Variants in MTOR observed in about 807,000 individuals in gnomAD.
The protein encoded by MTOR is mechanistic target of rapamycin kinase, also known as serine/threonine-protein kinase mTOR.
A neutral mutation model predicts 319.8 loss-of-function variants in MTOR; 70 were observed. The ratio of observed to expected loss-of-function variants is 0.22; its 90% CI spans 0.18 to 0.27. MTOR has a LOEUF of 0.27. MTOR is among the 10% of genes least tolerant of loss of function. The pLI is 1.00. For missense variants in MTOR, 1,890 were observed against 3,274.4 expected (o/e 0.58, Z 10.32); for synonymous variants, 1,183 against 1,211.4 (o/e 0.98, Z 0.49).
At chr1:11,124,365 G>C (rs1476774207) in intron 47 of MTOR, 133 bp downstream of exon 47, 3 of 1,196,556 alleles carry the variant, frequency 2.5e-6, no homozygotes, top group African/African-American at 3.1e-5. Context: ...TGGGACTACA[G>C]GCATGAGTTA....
Position 11,213,424 on chromosome 1 carries a change from C to T in MTOR, c.3260G>A (p.Ser1087Asn), listed in dbSNP as rs1646372009. Residue 1087 changes from serine to asparagine, a missense_variant, in exon 21 of 58, where the codon AGC becomes AAC. This residue lies in a region of MTOR where 377 missense variants were observed against 653.9 expected (regional missense o/e 0.58). Coordinates refer to ENST00000361445, the MANE Select transcript of MTOR (RefSeq NM_004958.4). ...HMLRVFMHDNSPGRIVSIKLL... is the reference protein window; with the variant it reads ...HMLRVFMHDNNPGRIVSIKLL... Reference sequence around the variant, plus strand: ...CTTGATAGAGACAATGCGGCCTGGGCTGTTGTCATGCATGAAGACACGCAG... The same window carrying T: ...CTTGATAGAGACAATGCGGCCTGGGTTGTTGTCATGCATGAAGACACGCAG... 3.1e-6 allele frequency: 5 copies of T among 1,612,804 alleles called. No individual in the cohort carries two copies. The highest frequency in any genetic ancestry group is 4.2e-6 in the Non-Finnish European group (5 of 1,179,946).
chr1:11,247,877 T>C lies in MTOR; in HGVS notation c.1058A>G (p.Lys353Arg), dbSNP rs1219198356. 5 of 1,614,154 alleles carry C rather than the reference T, an allele frequency of 3.1e-6. No individual in the cohort carries two copies. The South Asian group carries it at 5.5e-5, about 18-fold the overall frequency. ...MGFGTSPSPA[K>R]STLVESRCCR... ...ACACCGGCTCTCCACCAGGGTGGAC[T>C]TAGCTGGACTGGGGGAGGTCCCAAA... Residue 353 changes from lysine (K) to arginine (R), a missense_variant, in exon 7 of 58, where the codon AAG becomes AGG. By Grantham distance (26) the Lys-to-Arg change is conservative. This residue lies in a region of MTOR where 418 missense variants were observed against 543.1 expected (regional missense o/e 0.77). Coordinates refer to ENST00000361445, the MANE Select transcript of MTOR (RefSeq NM_004958.4).
intron 19 of MTOR, among the ~76,000 whole-genome samples, chr1:11,222,567 G>A (rs1210314711): frequency 6.6e-6 from 1 of 151,846 alleles, no homozygotes; most frequent in East Asian, 1.9e-4. Context: ...CACTCCTCCT[G>A]GGCTCAAGCA....
chr1:11,238,374 T>C lies in MTOR; in HGVS notation c.2002+28A>G, dbSNP rs746695770. On this transcript the variant is annotated intron_variant, in intron 12 of 57. Coordinates refer to ENST00000361445, the MANE Select transcript of MTOR (RefSeq NM_004958.4). ...ATTGTCCTAAGCTCCTTAACTCCCC[T>C]AGATTCCTTCTGTCTGGCAAGCCTT... The C allele has an allele frequency of 2.5e-6, 4 of 1,611,060 alleles. No individual in the cohort carries two copies. In the South Asian group the frequency reaches 4.4e-5, roughly 18 times the overall value.
chr1:11,157,321 A>T (rs1383639780), intron 29 of MTOR, 30 bp from the exon 30 acceptor site: 2 of 1,606,384 alleles, frequency 1.2e-6, no homozygotes, highest in Non-Finnish European at 1.7e-6. Context: ...GACTGCTGTG[A>T]GGTACACAGA....
chr1:11,184,383 G>T (rs1645248397), intron 28 of MTOR, among the ~76,000 whole-genome samples: 2 of 152,098 alleles, frequency 1.3e-5, no homozygotes, highest in Admixed American at 1.3e-4. Flanking sequence ...TATTTAATAT[G>T]AATGCATTAC....
At chr1:11,192,257 T>G (rs768094587) in intron 28 of MTOR, 1 of 1,597,996 alleles carries the variant, frequency 6.3e-7, no homozygotes, top group Non-Finnish European at 8.6e-7. Flanking sequence ...CCCTGTGGTT[T>G]GTTCTCTTGT....
At position 11,129,740 on chromosome 1, in the gene MTOR, G is replaced by C. The variant is rs1643022569; in HGVS notation, c.5712C>G (p.Leu1904=). 6.2e-7 allele frequency: 1 copy of C among 1,613,432 alleles called. No homozygotes were observed. The highest frequency in any genetic ancestry group is 1.3e-5 in the African/African-American group (1 of 74,928). ...TGCATCCTTCCCTTCTCTGATACCTGAGTGTATCCTGGAGGTTGTTGCCTC... is the reference window on the plus strand; with the variant it reads ...TGCATCCTTCCCTTCTCTGATACCTCAGTGTATCCTGGAGGTTGTTGCCTC... ...LSRGNNLQDT[L]RVLTLWFDYG... is the part of the protein sequence containing the mutation. Residue 1904 remains leucine, a splice_region_variant and synonymous_variant, in exon 40 of 58, where the codon CTC becomes CTG. Transcript: ENST00000361445. The surrounding 1 kb of genome is among the most constrained non-coding windows in gnomAD (Gnocchi z 4.7).
intron 29 of MTOR, among the ~76,000 whole-genome samples, chr1:11,166,439 G>C (rs1185934173): frequency 6.6e-6 from 1 of 152,076 alleles, no homozygotes; most frequent in Admixed American, 6.6e-5. Context: ...GGGCAAAGGA[G>C]ATGAACAGAC....
intron 39 of MTOR, 68 bp downstream of exon 39, chr1:11,130,458 TAAC>T (rs1643081351): frequency 1.3e-6 from 2 of 1,568,242 alleles, no homozygotes; most frequent in Non-Finnish European, 1.7e-6. Flanking sequence ...CTTTTAAGCT[TAAC>T]AACGATTCCA....
intron 5 of MTOR, among the ~76,000 whole-genome samples, chr1:11,255,252 A>T (rs544493625): frequency 1.1e-4 from 16 of 151,848 alleles, no homozygotes; most frequent in Non-Finnish European, 4.4e-5. Flanking sequence ...GCGTGATGGC[A>T]CATGCCTGTA....
intron 19 of MTOR, among the ~76,000 whole-genome samples, chr1:11,219,506 A>G (rs1457890535): frequency 1.3e-5 from 2 of 152,324 alleles, no homozygotes; most frequent in East Asian, 3.9e-4. Flanking sequence ...GTAAATGCAC[A>G]TCCTCTCTGG....
Position 11,112,833 on chromosome 1 carries a change from C to T in MTOR, c.7366+19G>A. 2 of 1,613,994 alleles carry T rather than the reference C, an allele frequency of 1.2e-6. No homozygotes were observed. Among genetic ancestry groups the T allele is most frequent in the Non-Finnish European group, 1.7e-6 (2 of 1,179,934 alleles). On this transcript the variant is annotated intron_variant, in intron 54 of 57. Transcript: ENST00000361445. The stretch of plus-strand genomic sequence containing the variant: ...GCACAAGGGGGAGAGCCTTTGCGAC[C>T]TCCCGTGGATGCACCTACCGACTGA...
At chr1:11,254,491 T>TA (rs1482380468) in intron 5 of MTOR, among the ~76,000 whole-genome samples, 1 of 152,166 alleles carries the variant, frequency 6.6e-6, no homozygotes, top group Non-Finnish European at 1.5e-5. Flanking sequence ...TCATCATCCC[T>TA]ATTTAACAGC....
At chr1:11,163,824 G>C (rs889162783) in intron 29 of MTOR, among the ~76,000 whole-genome samples, 16 of 152,136 alleles carry the variant, frequency 1.1e-4, no homozygotes, top group Non-Finnish European at 2.2e-4. Context: ...GCCCACAAGA[G>C]AAAGCAGGAA....
Position 11,256,107 on chromosome 1 carries a change from G to A in MTOR, c.590C>T (p.Ala197Val), listed in dbSNP as rs1247403646. The A allele has an allele frequency of 3.1e-6, 5 of 1,614,028 alleles. No homozygotes were observed. Among genetic ancestry groups the A allele is most frequent in the Non-Finnish European group, 4.2e-6 (5 of 1,180,036 alleles). The change falls in exon 5 of 58, where the codon GCC becomes GTC. Residue 197 changes from alanine to valine, a missense_variant. Transcript: ENST00000361445. ...VQPFFDNIFV[A>V]VWDPKQAIRE... ...GATGGCCTGTTTGGGGTCCCACACG[G>A]CCACAAAAATGTTGTCAAAGAAGGG...
At chr1:11,240,648 T>C (rs1647886040) in intron 10 of MTOR, 101 bp from the exon 11 acceptor site, 1 of 1,425,232 alleles carries the variant, frequency 7.0e-7, no homozygotes, top group Admixed American at 2.2e-5. Context: ...ATCAGGCCTC[T>C]GTTCTTCAGA....
intron 28 of MTOR, among the ~76,000 whole-genome samples, chr1:11,178,288 G>C (rs1374238030): frequency 6.6e-6 from 1 of 152,190 alleles, no homozygotes; most frequent in African/African-American, 2.4e-5. Flanking sequence ...GGCATCTCCT[G>C]GTTGGATATA....
In MTOR at chr1:11,256,063, C is replaced by T. The variant is rs2100974917; in HGVS notation, c.634G>A (p.Ala212Thr). 6.2e-7 allele frequency: 1 copy of T among 1,614,154 alleles called. No homozygotes were observed. Among genetic ancestry groups the T allele is most frequent in the Non-Finnish European group, 8.5e-7 (1 of 1,180,040 alleles). Residue 212 changes from alanine (A) to threonine (T), a missense_variant, in exon 5 of 58, where the codon GCC becomes ACC. Transcript: ENST00000361445. ...GTGAGAATCAGACAGGCACGAAGGG[C>T]GGCTACAGCTCCCTCACGGATGGCC... ...KQAIREGAVA[A>T]LRACLILTTQ...
Sources: gnomAD v4.1 joint callset for allele counts (sites outside exome capture counted in the v4.1 genomes callset) on GRCh38, gnomAD v4.1.1 for gene constraint, gnomAD v4.1.1 regional missense constraint, Gnocchi (gnomAD v3.1) non-coding constraint, MANE v1.5 for transcripts, NCBI Gene and HGNC (gene_info 2026-07-23, HGNC 2026-07-21) for gene names.